Variants in ANGPT2 observed in about 807,000 individuals in gnomAD.
The protein encoded by ANGPT2 is angiopoietin 2, also known as angiopoietin-2.
Under a neutral mutation model 62.9 loss-of-function variants are expected in ANGPT2, and 28 were observed. The ratio of observed to expected loss-of-function variants is 0.44; its 90% CI spans 0.33 to 0.61. The LOEUF (loss-of-function observed/expected upper bound fraction) is 0.61. Among genes scored for constraint, ANGPT2 ranks in the 20% least tolerant of loss-of-function variants. The pLI is 0.03. For synonymous variants in ANGPT2, 284 were observed against 207.8 expected (o/e 1.37, Z -3.15); for missense variants, 727 against 594.9 (o/e 1.22, Z -2.31).
intron 1 of ANGPT2, among the ~76,000 whole-genome samples, chr8:6,546,043 G>T (rs60625360): frequency 0.029 from 4,433 of 152,260 alleles, 244 homozygotes; most frequent in African/African-American, 0.1. Context: ...AAACACACCC[G>T]GTGTGAGTCC....
chr8:6,526,052 A>T (rs1818264883), intron 3 of ANGPT2, among the ~76,000 whole-genome samples: 1 of 152,114 alleles, frequency 6.6e-6, no homozygotes, highest in African/African-American at 2.4e-5. Context: ...GCAAGAGAAA[A>T]GTAATCTCCA....
intron 8 of ANGPT2, among the ~76,000 whole-genome samples, chr8:6,505,388 T>C (rs1563306729): frequency 1.6e-5 from 1 of 62,126 alleles, no homozygotes; most frequent in Non-Finnish European, 3.9e-5. Context: ...ATTCTTTCTA[T>C]ATGTATATAG....
intron 5 of ANGPT2, among the ~76,000 whole-genome samples, chr8:6,518,611 A>C (rs1399080801): frequency 2.0e-5 from 3 of 152,148 alleles, no homozygotes; most frequent in Non-Finnish European, 4.4e-5. Context: ...TTGTATTTTT[A>C]AAGTGTTTTT....
intron 4 of ANGPT2, among the ~76,000 whole-genome samples, chr8:6,520,394 C>G (rs950874651): frequency 1.3e-5 from 2 of 152,128 alleles, no homozygotes; most frequent in Non-Finnish European, 2.9e-5. Context: ...TTATCTGTAT[C>G]ATGACCCCAT....
rs1330814375 is a variant in ANGPT2, at chr8:6,505,448, C to CAT, written c.1328-2189_1328-2188dup. On this transcript the variant is annotated intron_variant, in intron 8 of 8. Coordinates refer to ENST00000629816, the MANE Select transcript of ANGPT2 (RefSeq NM_001118887.2). ...AAAGAATATATATATTCTTTATATACATATAGAATATATATATTCTTTACA... is the reference window on the plus strand; with the variant it reads ...AAAGAATATATATATTCTTTATATACATATATAGAATATATATATTCTTTACA... 2.8e-5 allele frequency among the ~76,000 whole-genome samples: 2 copies of CAT among 70,256 alleles called. 1 individual carries two copies. Among genetic ancestry groups the CAT allele is most frequent in the African/African-American group, 1.0e-4 (2 of 19,600 alleles). 46.1% of individuals were successfully genotyped at this position (70,256 alleles called of 152,430 possible). A position where few individuals can be genotyped will look rare whatever the true frequency, so the allele number is the denominator to read the frequency against.
chr8:6,551,825 A>G (rs1205964442), intron 1 of ANGPT2, among the ~76,000 whole-genome samples: 4 of 152,324 alleles, frequency 2.6e-5, no homozygotes, highest in African/African-American at 4.8e-5. Flanking sequence ...GCAAAATACA[A>G]TAACGTACTT....
chr8:6,502,983 C>T lies in ANGPT2; in HGVS notation c.*118G>A. On this transcript the variant is annotated 3_prime_UTR_variant, in exon 9 of 9. Coordinates refer to ENST00000629816, the MANE Select transcript of ANGPT2 (RefSeq NM_001118887.2). ...ATCTGGAGCATGTGGGTCCCGTCAG[C>T]ACCGAGCACACGCCCTCTGTGGTGG... 8.1e-7 allele frequency: 1 copy of T among 1,229,344 alleles called. No homozygotes were observed. The highest frequency in any genetic ancestry group is 1.1e-6 in the Non-Finnish European group (1 of 869,804). 76.2% of individuals were successfully genotyped at this position (1,229,344 alleles called of 1,614,324 possible). A position where few individuals can be genotyped will look rare whatever the true frequency, so the allele number is the denominator to read the frequency against.
rs1052552630 is a variant in ANGPT2, at chr8:6,508,779, G to T, written c.1327+153C>A. 14 of 1,129,638 alleles carry T rather than the reference G, an allele frequency of 1.2e-5. No homozygotes were observed. In the African/African-American group the frequency reaches 1.9e-4, roughly 15 times the overall value. The allele number at this position is 1,129,638 out of a possible 1,614,324, so 70.0% of individuals were successfully genotyped here. On this transcript the variant is annotated intron_variant, in intron 8 of 8. Coordinates refer to ENST00000629816, the MANE Select transcript of ANGPT2 (RefSeq NM_001118887.2). ...ACTTAAAACTTAGTCTAAAAAAAGT[G>T]AAAAACACATTTACCTATATCAAGC... is the stretch of plus-strand genomic sequence containing the variant.
chr8:6,518,190 C>T (rs779384128), intron 5 of ANGPT2, among the ~76,000 whole-genome samples: 66 of 152,182 alleles, frequency 4.3e-4, no homozygotes, highest in Non-Finnish European at 7.2e-4. Flanking sequence ...CCCTCTGCAT[C>T]GGTGTCCATG....
intron 5 of ANGPT2, among the ~76,000 whole-genome samples, 166 bp downstream of exon 5, chr8:6,519,698 G>C (rs1405197403): frequency 6.6e-6 from 1 of 152,218 alleles, no homozygotes; most frequent in Non-Finnish European, 1.5e-5. Flanking sequence ...GGCACTTAGA[G>C]CCCTTGGCAA....
At chr8:6,545,429 A>G (rs1822406117) in intron 1 of ANGPT2, among the ~76,000 whole-genome samples, 1 of 152,208 alleles carries the variant, frequency 6.6e-6, no homozygotes, top group East Asian at 1.9e-4. Flanking sequence ...CTATGACCCT[A>G]GTTACTATGG....
chr8:6,543,128 C>T (rs768894970), intron 1 of ANGPT2, among the ~76,000 whole-genome samples: 2 of 152,086 alleles, frequency 1.3e-5, no homozygotes, highest in Non-Finnish European at 2.9e-5. Context: ...AGACTTTCTG[C>T]TTCTTTATCT....
intron 1 of ANGPT2, among the ~76,000 whole-genome samples, chr8:6,533,018 C>G (rs948084754): frequency 6.6e-6 from 1 of 152,248 alleles, no homozygotes; most frequent in Non-Finnish European, 1.5e-5. Flanking sequence ...TACGGAATCA[C>G]CACTCAGTTC....
intron 1 of ANGPT2, among the ~76,000 whole-genome samples, chr8:6,538,517 C>G (rs1215933729): frequency 6.6e-6 from 1 of 152,188 alleles, no homozygotes; most frequent in Non-Finnish European, 1.5e-5. Flanking sequence ...ACTGGCGCCC[C>G]TGATCTTGTG....
intron 1 of ANGPT2, among the ~76,000 whole-genome samples, chr8:6,539,484 C>T (rs890316468): frequency 2.0e-5 from 3 of 152,196 alleles, no homozygotes; most frequent in Admixed American, 2.0e-4. Context: ...CTTGCCTTCA[C>T]CTGCCCTGAC....
At chr8:6,514,564 A>C in intron 6 of ANGPT2, 113 bp downstream of exon 6, 1 of 919,960 alleles carries the variant, frequency 1.1e-6, no homozygotes, top group Non-Finnish European at 1.7e-6. Flanking sequence ...AATTTTAAAA[A>C]CCATGTCAAA....
rs909740921 is a variant in ANGPT2, at chr8:6,502,353, G to GA, written c.*747dup. On this transcript the variant is annotated 3_prime_UTR_variant, in exon 9 of 9. Transcript: ENST00000629816. The stretch of plus-strand genomic sequence containing the variant: ...TACCTTCATATTTAACAATCAGGCA[G>GA]AAAAAAATAGTACGGTCTGCATATA... The GA allele has an allele frequency of 2.0e-5, 3 of 151,994 alleles. No homozygotes were observed. The highest frequency in any genetic ancestry group is 1.3e-4 in the Admixed American group (2 of 15,254). The allele number at this position is 151,994 out of a possible 1,614,324, so 9.4% of individuals were successfully genotyped here.
intron 1 of ANGPT2, among the ~76,000 whole-genome samples, chr8:6,542,992 A>G (rs886187667): frequency 1.1e-4 from 16 of 152,264 alleles, no homozygotes; most frequent in African/African-American, 3.9e-4. Flanking sequence ...TCTGTTTTAA[A>G]AAGGGAGAGG....
intron 1 of ANGPT2, among the ~76,000 whole-genome samples, chr8:6,555,906 A>C (rs181579306): frequency 6.6e-6 from 1 of 152,150 alleles, no homozygotes; most frequent in Admixed American, 6.5e-5. Flanking sequence ...TTGTTTTCCT[A>C]GCAGCTTCAG....
Sources: allele counts gnomAD v4.1 joint callset (sites outside exome capture counted in the v4.1 genomes callset), GRCh38; gene constraint gnomAD v4.1.1; transcripts MANE v1.5; gene names NCBI Gene and HGNC (gene_info 2026-07-23, HGNC 2026-07-21).